FAM53B: variants seen among roughly 807,000 people sequenced by gnomAD.
FAM53B encodes protein FAM53B.
FAM53B carries 12 observed loss-of-function variants against 32.7 expected under a neutral mutation model. The ratio of observed to expected loss-of-function variants is 0.37; its 90% confidence interval spans 0.24 to 0.59. The LOEUF (loss-of-function observed/expected upper bound fraction) is 0.59. Ranked by LOEUF, FAM53B falls within the 20% of genes least tolerant of loss-of-function variation. FAM53B has a pLI of 0.72. For synonymous variants in FAM53B, 234 were observed against 228.7 expected, an observed-to-expected ratio of 1.02 and a Z score of -0.21; for missense variants, 477 against 577.7, an observed-to-expected ratio of 0.83 and a Z score of 1.79.
At chr10:124,652,776 A>C (rs567698344) in intron 4 of FAM53B, among the ~76,000 whole-genome samples, 1 of 152,266 alleles carries the variant, frequency 6.6e-6, no homozygotes, top group South Asian at 2.1e-4. Context: ...TTCAATATGG[A>C]AGGTAGCAAG....
chr10:124,642,652 G>C (rs185718727), intron 4 of FAM53B, among the ~76,000 whole-genome samples: 6 of 152,314 alleles, frequency 3.9e-5, no homozygotes, highest in Admixed American at 3.9e-4. Context: ...CCGAGACACA[G>C]GGGCACGTGC....
chr10:124,673,622 A>G (rs1949720188), intron 4 of FAM53B, among the ~76,000 whole-genome samples: 1 of 152,162 alleles, frequency 6.6e-6, no homozygotes, highest in Admixed American at 6.5e-5. Context: ...GCCCTTCCTA[A>G]TCCAGGCTGA....
chr10:124,620,915 G>A lies in FAM53B; in HGVS notation c.*2327C>T, dbSNP rs1232869186. On this transcript the variant is annotated 3_prime_UTR_variant, in exon 5 of 5. Transcript: ENST00000337318. ...CTGGGGCTGGGCTTGCTGGTCGATG[G>A]GACCAGCTTGCGGGGAGGTGGGGAG... The A allele has an allele frequency of 6.6e-6, 1 of 152,236 alleles. No individual in the cohort carries two copies. Among genetic ancestry groups the A allele is most frequent in the Non-Finnish European group, 1.5e-5 (1 of 68,088 alleles). 9.4% of individuals were successfully genotyped at this position (152,236 alleles called of 1,614,324 possible).
intron 4 of FAM53B, among the ~76,000 whole-genome samples, chr10:124,673,807 C>T (rs998340475): frequency 6.6e-6 from 1 of 152,214 alleles, no homozygotes; most frequent in Non-Finnish European, 1.5e-5. Flanking sequence ...TGGGGCTCTG[C>T]CCCAGACCTG....
intron 4 of FAM53B, among the ~76,000 whole-genome samples, chr10:124,649,637 GCCGCCTTCCATGCAGAGTGT>G (rs1294689785): frequency 1.3e-5 from 2 of 152,172 alleles, no homozygotes; most frequent in African/African-American, 2.4e-5. Flanking sequence ...CTGGATAAAG[GCCGCCTTCCATGCAGAGTGT>G]CCCCCTGTAA....
At position 124,622,446 on chromosome 10, in the gene FAM53B, C is replaced by T. The variant is rs533213077; in HGVS notation, c.*796G>A. 1.3e-5 allele frequency: 2 copies of T among 152,340 alleles called. No individual in the cohort carries two copies. The highest frequency in any genetic ancestry group is 3.9e-4 in the East Asian group (2 of 5,178). 9.4% of individuals were successfully genotyped at this position (152,340 alleles called of 1,614,324 possible). ...AAGGGCTGCCATCTGCTAACCCTGC[C>T]CCAACGGTGGCAGAGCCATGGGGTC... On this transcript the variant is annotated 3_prime_UTR_variant, in exon 5 of 5. Coordinates refer to ENST00000337318, the MANE Select transcript of FAM53B (RefSeq NM_014661.4).
At chr10:124,705,528 C>T (rs566771299) in intron 2 of FAM53B, 21 of 152,420 alleles carry the variant, frequency 1.4e-4, no homozygotes, top group African/African-American at 4.6e-4. Context: ...GCTTCAGCTG[C>T]GAGTTCTTAG....
chr10:124,639,768 C>T (rs761201044), intron 4 of FAM53B, among the ~76,000 whole-genome samples: 19 of 152,106 alleles, frequency 1.2e-4, no homozygotes, highest in Non-Finnish European at 2.4e-4. Flanking sequence ...GAGTGCCTAG[C>T]TGCGTCTGAG....
intron 3 of FAM53B, among the ~76,000 whole-genome samples, chr10:124,692,183 A>G (rs1949836969): frequency 6.6e-6 from 1 of 152,022 alleles, no homozygotes; most frequent in African/African-American, 2.4e-5. Context: ...GCACCCTAAT[A>G]AGGGGCACTG....
chr10:124,633,966 A>AG (rs1949409675), intron 4 of FAM53B, among the ~76,000 whole-genome samples: 3 of 152,384 alleles, frequency 2.0e-5, no homozygotes, highest in Middle Eastern at 6.8e-3. Flanking sequence ...AAGCACTGGT[A>AG]GGAATGTAAG....
intron 4 of FAM53B, among the ~76,000 whole-genome samples, chr10:124,680,674 CAAG>C (rs778397257): frequency 2.0e-5 from 3 of 152,164 alleles, no homozygotes; most frequent in Non-Finnish European, 4.4e-5. Context: ...TCTTCGTCAA[CAAG>C]AAGATCTTTA....
At position 124,657,172 on chromosome 10, in the gene FAM53B, A is replaced by ATATGTGTATATATGTG. The variant is rs1564869783; in HGVS notation, c.906+24434_906+24435insCACATATATACACATA. On this transcript the variant is annotated intron_variant, in intron 4 of 4. Coordinates refer to ENST00000337318, the MANE Select transcript of FAM53B (RefSeq NM_014661.4). ...TGTGTATATATGTGTGTATATATAT[A>ATATGTGTATATATGTG]TGTACATATATATATATATATAAGA... Among the ~76,000 whole-genome samples the ATATGTGTATATATGTG allele has an allele frequency of 3.2e-3, 70 of 22,060 alleles. No individual in the cohort carries two copies. The East Asian group carries it at 0.034, about 11-fold the overall frequency. The allele number at this position is 22,060 out of a possible 152,430, so 14.5% of individuals were successfully genotyped here.
chr10:124,720,179 A>AG (rs1950060786), intron 1 of FAM53B, among the ~76,000 whole-genome samples: 2 of 151,382 alleles, frequency 1.3e-5, no homozygotes, highest in Non-Finnish European at 2.9e-5. Flanking sequence ...AAAAAAAAAA[A>AG]CAAACAAACC....
At chr10:124,687,475 T>G (rs1305755833) in intron 3 of FAM53B, among the ~76,000 whole-genome samples, 1 of 152,182 alleles carries the variant, frequency 6.6e-6, no homozygotes, top group Non-Finnish European at 1.5e-5. Flanking sequence ...AATAGGCATC[T>G]CATACAGGGC....
At chr10:124,717,177 T>A (rs1437953680) in intron 1 of FAM53B, among the ~76,000 whole-genome samples, 1 of 152,218 alleles carries the variant, frequency 6.6e-6, no homozygotes, top group Non-Finnish European at 1.5e-5. Context: ...GCCAAGTTAT[T>A]TCCCTCCTCG....
intron 4 of FAM53B, among the ~76,000 whole-genome samples, chr10:124,665,627 A>T (rs1218798029): frequency 6.6e-6 from 1 of 152,214 alleles, no homozygotes; most frequent in Admixed American, 6.5e-5. Context: ...GGATCCTGCT[A>T]GATGGGTGAG....
intron 1 of FAM53B, among the ~76,000 whole-genome samples, chr10:124,727,185 T>A (rs1950109910): frequency 6.6e-6 from 1 of 151,766 alleles, no homozygotes; most frequent in Admixed American, 6.6e-5. Flanking sequence ...ACCCGGCTAA[T>A]TTTTGTATTT....
Position 124,648,746 on chromosome 10 carries a change from C to G in FAM53B, c.907-25142G>C, listed in dbSNP as rs183947222. 2.6e-5 allele frequency among the ~76,000 whole-genome samples: 4 copies of G among 152,378 alleles called. No individual in the cohort carries two copies. In the East Asian group the frequency reaches 7.7e-4, roughly 29 times the overall value. ...CTTGCCCAAGGTCCTACAGATGAAA[C>G]AGAACTCAGAGCTAGTCCACCTGTC... On this transcript the variant is annotated intron_variant, in intron 4 of 4. Coordinates refer to ENST00000337318, the MANE Select transcript of FAM53B (RefSeq NM_014661.4).
chr10:124,652,058 T>G (rs1949559847), intron 4 of FAM53B, among the ~76,000 whole-genome samples: 2 of 152,162 alleles, frequency 1.3e-5, no homozygotes, highest in Admixed American at 1.3e-4. Flanking sequence ...CATCAAAGTG[T>G]GATAAGCACG....
Sources: gnomAD v4.1 joint callset for allele counts (sites outside exome capture counted in the v4.1 genomes callset) on GRCh38, gnomAD v4.1.1 for gene constraint, MANE v1.5 for transcripts, NCBI Gene and HGNC (gene_info 2026-07-23, HGNC 2026-07-21) for gene names.